Variants in UBE2N observed in about 807,000 individuals in gnomAD.
The protein encoded by UBE2N is ubiquitin-conjugating enzyme E2 N.
For missense variants in UBE2N, 60 were observed against 192.1 expected (o/e 0.31, Z 4.07); for synonymous variants, 70 against 69.2 (o/e 1.01, Z -0.06).
intron 1 of UBE2N, 118 bp downstream of exon 1, chr12:93,441,737 C>T: frequency 1.4e-6 from 2 of 1,395,834 alleles, no homozygotes; most frequent in Non-Finnish European, 1.9e-6. Flanking sequence ...CCCCTCTCCG[C>T]GCCGCCTCGG....
chr12:93,406,419 C>CCCATTCT lies in UBE2N; in HGVS notation c.*3613_*3619dup, dbSNP rs1178206390. 1 of 151,982 alleles carries CCCATTCT rather than the reference C, an allele frequency of 6.6e-6. No individual in the cohort carries two copies. The highest frequency in any genetic ancestry group is 1.5e-5 in the Non-Finnish European group (1 of 68,018). 9.4% of individuals were successfully genotyped at this position (151,982 alleles called of 1,614,324 possible). On this transcript the variant is annotated 3_prime_UTR_variant, in exon 4 of 4. Coordinates refer to ENST00000318066, the MANE Select transcript of UBE2N (RefSeq NM_003348.4). The stretch of plus-strand genomic sequence containing the variant: ...ATGTCTTTTAGGACAGATTTCCTTC[C>CCCATTCT]CCATTCTCCATCAAACAACCATAGC...
chr12:93,418,305 A>T (rs903818465), intron 1 of UBE2N, among the ~76,000 whole-genome samples: 2 of 152,136 alleles, frequency 1.3e-5, no homozygotes, highest in African/African-American at 4.8e-5. Context: ...TCAAGGTTAC[A>T]GTTAGCTGTG....
chr12:93,439,276 C>G (rs1336404309), intron 1 of UBE2N, among the ~76,000 whole-genome samples: 2 of 152,136 alleles, frequency 1.3e-5, no homozygotes, highest in Non-Finnish European at 2.9e-5. Flanking sequence ...TGTGTGAGGT[C>G]AAGAGTTTGA....
chr12:93,419,347 G>A (rs187310939), intron 1 of UBE2N, among the ~76,000 whole-genome samples: 322 of 151,586 alleles, frequency 2.1e-3, no homozygotes, highest in African/African-American at 7.5e-3. Context: ...CCGAGATCGT[G>A]CCACTGCACT....
intron 1 of UBE2N, among the ~76,000 whole-genome samples, chr12:93,414,448 CAA>C (rs398020640): frequency 2.0e-4 from 15 of 73,988 alleles, no homozygotes; most frequent in South Asian, 6.3e-4. Context: ...AGCTCCGTCT[CAA>C]AAAAAAAAAA....
At chr12:93,432,147 G>A (rs1878789859) in intron 1 of UBE2N, among the ~76,000 whole-genome samples, 1 of 152,134 alleles carries the variant, frequency 6.6e-6, no homozygotes, top group Non-Finnish European at 1.5e-5. Flanking sequence ...CAGGAGAATT[G>A]CTTGAACCCG....
chr12:93,415,425 T>G (rs147551185), intron 1 of UBE2N, among the ~76,000 whole-genome samples: 128 of 152,324 alleles, frequency 8.4e-4, no homozygotes, highest in African/African-American at 3.0e-3. Context: ...GTTTTTTGTT[T>G]TGATCATGGC....
At chr12:93,436,840 C>G (rs956690393) in intron 1 of UBE2N, among the ~76,000 whole-genome samples, 1 of 152,188 alleles carries the variant, frequency 6.6e-6, no homozygotes, top group African/African-American at 2.4e-5. Flanking sequence ...TAGCTTAAAA[C>G]AGAACTACTA....
chr12:93,441,555 G>A (rs1879109829), intron 1 of UBE2N, among the ~76,000 whole-genome samples: 1 of 151,906 alleles, frequency 6.6e-6, no homozygotes, highest in African/African-American at 2.4e-5. Flanking sequence ...CAAGCCCAGA[G>A]ACCCCCAGCC....
chr12:93,428,581 C>T (rs1477514851), intron 1 of UBE2N, among the ~76,000 whole-genome samples: 4 of 152,180 alleles, frequency 2.6e-5, no homozygotes, highest in Admixed American at 6.5e-5. Context: ...CCCATTCTAC[C>T]CATCTTTGCA....
intron 1 of UBE2N, among the ~76,000 whole-genome samples, chr12:93,420,387 G>A (rs1325664856): frequency 6.6e-6 from 1 of 152,114 alleles, no homozygotes; most frequent in Non-Finnish European, 1.5e-5. Flanking sequence ...GGGAGCTGGA[G>A]GGACTTCTGA....
chr12:93,432,091 G>T (rs536367929), intron 1 of UBE2N, among the ~76,000 whole-genome samples: 1 of 152,176 alleles, frequency 6.6e-6, no homozygotes, highest in East Asian at 1.9e-4. Flanking sequence ...AATTAGCCGG[G>T]TGTGGTGGCG....
rs766412489 is a variant in UBE2N at position 93,441,923 on chromosome 12, G to A, written c.-39C>T. 6.4e-7 allele frequency: 1 copy of A among 1,559,090 alleles called. No homozygotes were observed. Among genetic ancestry groups the A allele is most frequent in the Non-Finnish European group, 8.7e-7 (1 of 1,155,180 alleles). On this transcript the variant is annotated 5_prime_UTR_variant, in exon 1 of 4. Transcript: ENST00000318066. ...GAGTTCGGCCTCTGGTCTCGTCTCC[G>A]GCTCCTCTCGCCTCACGCACGAGTG...
chr12:93,438,181 GC>G (rs1878991458), intron 1 of UBE2N, among the ~76,000 whole-genome samples: 1 of 152,188 alleles, frequency 6.6e-6, no homozygotes, highest in African/African-American at 2.4e-5. Flanking sequence ...AATGAGCAAT[GC>G]CCGGGATATC....
intron 1 of UBE2N, among the ~76,000 whole-genome samples, chr12:93,427,731 G>A (rs751469404): frequency 2.7e-4 from 41 of 152,232 alleles, no homozygotes; most frequent in South Asian, 2.1e-4. Flanking sequence ...TTGAGTGGGT[G>A]AATTTTATGG....
rs141176920 is a variant in UBE2N at position 93,410,097 on chromosome 12, C to T, written c.419-18G>A. On this transcript the variant is annotated intron_variant, in intron 3 of 3. Transcript: ENST00000318066. ...TGCTCTAGCTGTAGACAGAAACAAA[C>T]ATACGATTATTATTTTACTTAGTTC... 6.2e-7 allele frequency: 1 copy of T among 1,610,858 alleles called. No homozygotes were observed. The highest frequency in any genetic ancestry group is 8.5e-7 in the Non-Finnish European group (1 of 1,178,292).
chr12:93,436,058 GTTAACTAC>G (rs1229564390), intron 1 of UBE2N, among the ~76,000 whole-genome samples: 2 of 152,090 alleles, frequency 1.3e-5, no homozygotes, highest in African/African-American at 4.8e-5. Context: ...CCTAGGGTAA[GTTAACTAC>G]TTTTTCCCAA....
At chr12:93,439,315 C>T (rs943481661) in intron 1 of UBE2N, among the ~76,000 whole-genome samples, 1 of 152,042 alleles carries the variant, frequency 6.6e-6, no homozygotes, top group African/African-American at 2.4e-5. Flanking sequence ...GGCGAAACCC[C>T]GTCCCTACAA....
At position 93,430,379 on chromosome 12, in the gene UBE2N, C is replaced by T. The variant is rs143594548; in HGVS notation, c.30+11476G>A. ...TGCATTTCTCAGAAAGTAACTCCAT[C>T]GTTAAGTGATTCAAGACTGTATATT... On this transcript the variant is annotated intron_variant, in intron 1 of 3. Coordinates refer to ENST00000318066, the MANE Select transcript of UBE2N (RefSeq NM_003348.4). 5.1e-4 allele frequency among the ~76,000 whole-genome samples: 77 copies of T among 152,194 alleles called. 1 individual carries two copies. In the East Asian group the frequency reaches 0.014, roughly 28 times the overall value.
Sources: allele counts gnomAD v4.1 joint callset (sites outside exome capture counted in the v4.1 genomes callset), GRCh38; gene constraint gnomAD v4.1.1; transcripts MANE v1.5; gene names NCBI Gene and HGNC (gene_info 2026-07-23, HGNC 2026-07-21).